The following SAAL1 variants were observed in gnomAD, a reference collection of about 807,000 sequenced individuals.
SAAL1 encodes serum amyloid A like 1, also known as protein SAAL1.
SAAL1 carries 42 observed loss-of-function variants against 59.8 expected under a neutral mutation model. The observed-to-expected ratio is 0.70, with a 90% CI of 0.55 to 0.91. The LOEUF (loss-of-function observed/expected upper bound fraction) is 0.91, where lower values mean the gene tolerates loss of function less well. Among genes scored for constraint, SAAL1 ranks in the 40% least tolerant of loss-of-function variants. The pLI is 0.00. For missense variants in SAAL1, 542 were observed against 561.1 expected (o/e 0.97, Z 0.34); for synonymous variants, 191 against 194.3 (o/e 0.98, Z 0.14).
chr11:18,090,574 T>A, intron 4 of SAAL1, 81 bp from the exon 5 acceptor site: 1 of 1,478,852 alleles, frequency 6.8e-7, no homozygotes, highest in Non-Finnish European at 9.1e-7. Context: ...TTTTTGAACA[T>A]CTTTATTGTG....
chr11:18,094,332 C>A (rs1343188179), intron 3 of SAAL1, among the ~76,000 whole-genome samples: 1 of 152,168 alleles, frequency 6.6e-6, no homozygotes, highest in African/African-American at 2.4e-5. Context: ...AAAACCTGCA[C>A]AATATGCAGA....
chr11:18,092,238 G>C lies in SAAL1; in HGVS notation c.413+7C>G. The C allele has an allele frequency of 6.8e-7, 1 of 1,475,854 alleles. No individual in the cohort carries two copies. 91.4% of individuals were successfully genotyped at this position (1,475,854 alleles called of 1,614,324 possible). A position where few individuals can be genotyped will look rare whatever the true frequency, so the allele number is the denominator to read the frequency against. ...ATTAAAAAACATAATTATATAGTAA[G>C]ACTTACCCAAGATTTTTATCACTGC... On this transcript the variant is annotated splice_region_variant and intron_variant, in intron 4 of 11. Coordinates refer to ENST00000524803, the MANE Select transcript of SAAL1 (RefSeq NM_138421.3).
intron 1 of SAAL1, among the ~76,000 whole-genome samples, chr11:18,105,037 C>T (rs190212741): frequency 7.9e-5 from 12 of 152,098 alleles, no homozygotes; most frequent in Admixed American, 2.0e-4. Flanking sequence ...CACTCTGTTG[C>T]CATTATAATC....
At chr11:18,092,171 T>G (rs1848529571) in intron 4 of SAAL1, 74 bp downstream of exon 4, 2 of 761,260 alleles carry the variant, frequency 2.6e-6, no homozygotes, top group South Asian at 1.8e-5. Flanking sequence ...ATTTGCTACT[T>G]TTCCTATGTA....
At chr11:18,087,379 A>C (rs1459475272) in intron 7 of SAAL1, among the ~76,000 whole-genome samples, 154 bp from the exon 8 acceptor site, 1 of 152,252 alleles carries the variant, frequency 6.6e-6, no homozygotes, top group African/African-American at 2.4e-5. Flanking sequence ...TGTGTTCGTT[A>C]GAGCTTTTAT....
In SAAL1 at chr11:18,098,217, CTA is replaced by C. The variant is rs1232895013; in HGVS notation, c.250-1365_250-1364del. Among the ~76,000 whole-genome samples the C allele has an allele frequency of 1.7e-3, 261 of 152,344 alleles. 3 individuals carry two copies. Among genetic ancestry groups the C allele is most frequent in the Non-Finnish European group, 1.7e-3 (114 of 68,040 alleles). ...GGTAGGGGAAAGAAGTCAAGAACTG[CTA>C]TTGGGTCCTGTCCAAAACCAGAATT... On this transcript the variant is annotated intron_variant, in intron 2 of 11. Transcript: ENST00000524803.
In SAAL1 at chr11:18,092,180, T is replaced by C. The variant is rs1848529714; in HGVS notation, c.413+65A>G. ...TTTCAGATTTGCTACTTTTCCTATG[T>C]ATTAGAATTTCCTTAAGGATATAAA... On this transcript the variant is annotated intron_variant, in intron 4 of 11. Coordinates refer to ENST00000524803, the MANE Select transcript of SAAL1 (RefSeq NM_138421.3). The C allele has an allele frequency of 3.7e-6, 3 of 803,852 alleles. No individual in the cohort carries two copies. In the African/African-American group the frequency reaches 5.3e-5, roughly 14 times the overall value. The allele number at this position is 803,852 out of a possible 1,614,324, so 49.8% of individuals were successfully genotyped here. A position where few individuals can be genotyped will look rare whatever the true frequency, so the allele number is the denominator to read the frequency against.
chr11:18,092,313 C>G lies in SAAL1; in HGVS notation c.345G>C (p.Val115=). 6.2e-7 allele frequency: 1 copy of G among 1,600,428 alleles called. No individual in the cohort carries two copies. The highest frequency in any genetic ancestry group is 8.6e-7 in the Non-Finnish European group (1 of 1,167,694). Residue 115 remains valine, a synonymous_variant, in exon 4 of 12, where the codon GTG becomes GTC. Transcript: ENST00000524803. ...AACAGGCCATATTACCTAAAATTCCCACACAGATTTCCTGCCAAATCAAAT... is the reference window on the plus strand; with the variant it reads ...AACAGGCCATATTACCTAAAATTCCGACACAGATTTCCTGCCAAATCAAAT... ...SKCPRLREIC[V]GILGNMACFQ...
intron 4 of SAAL1, among the ~76,000 whole-genome samples, chr11:18,091,755 G>A (rs566520051): frequency 6.6e-6 from 1 of 152,180 alleles, no homozygotes; most frequent in East Asian, 1.9e-4. Flanking sequence ...TTTACACATG[G>A]AGAAGAGAAC....
intron 3 of SAAL1, 72 bp from the exon 4 acceptor site, chr11:18,092,396 A>G: frequency 9.6e-7 from 1 of 1,037,856 alleles, no homozygotes; most frequent in Non-Finnish European, 1.5e-6. Flanking sequence ...CAACTTGAAC[A>G]AAAACTTTCG....
chr11:18,093,817 C>T (rs1016081649), intron 3 of SAAL1: 2 of 152,092 alleles, frequency 1.3e-5, no homozygotes, highest in Admixed American at 1.3e-4. Context: ...GGCCCTCAGG[C>T]ATGGAAAAGG....
At chr11:18,091,846 C>CT (rs1333734367) in intron 4 of SAAL1, among the ~76,000 whole-genome samples, 1 of 152,182 alleles carries the variant, frequency 6.6e-6, no homozygotes, top group Non-Finnish European at 1.5e-5. Context: ...GTCTTACACT[C>CT]TAAGTCAGAG....
At position 18,089,368 on chromosome 11, in the gene SAAL1, C is replaced by T; in HGVS notation, c.732G>A (p.Arg244=). The T allele has an allele frequency of 6.3e-7, 1 of 1,593,504 alleles. No homozygotes were observed. The highest frequency in any genetic ancestry group is 8.5e-7 in the Non-Finnish European group (1 of 1,173,744). The change falls in exon 7 of 12, where the codon CGG becomes CGA. Residue 244 remains arginine, a synonymous_variant. Transcript: ENST00000524803. ...CAGCTTCAAGTATACAGGGCACAAG[C>T]CGAAACACTGGCTGCTCTTCAGACT... ...QEESEEQPVF[R]LVPCILEAAK... is the part of the protein sequence containing the mutation.
chr11:18,093,082 A>G (rs985806750), intron 3 of SAAL1, among the ~76,000 whole-genome samples: 3 of 152,176 alleles, frequency 2.0e-5, no homozygotes, highest in Admixed American at 6.5e-5. Context: ...CTTTTGTTCA[A>G]CATATCCACA....
rs1848495819 is a variant in SAAL1, at chr11:18,089,108, C to G, written c.770+222G>C. Among the ~76,000 whole-genome samples, 4 of 152,216 alleles carry G rather than the reference C, an allele frequency of 2.6e-5. No homozygotes were observed. The South Asian group carries it at 8.3e-4, about 32-fold the overall frequency. On this transcript the variant is annotated intron_variant, in intron 7 of 11. Transcript: ENST00000524803. ...ACATAAAATATGGTAAGACAGAAAC[C>G]ACAGTTAATGTTGAGTAACAGCCTA... is the stretch of plus-strand genomic sequence containing the variant.
intron 9 of SAAL1, 88 bp downstream of exon 9, chr11:18,086,777 GT>G (rs1168441856): frequency 2.6e-6 from 2 of 760,354 alleles, no homozygotes; most frequent in Non-Finnish European, 3.9e-6. Flanking sequence ...AGCATGTAAT[GT>G]TTTTATAATT....
chr11:18,088,830 A>G (rs950888510), intron 7 of SAAL1, among the ~76,000 whole-genome samples: 6 of 152,210 alleles, frequency 3.9e-5, no homozygotes, highest in Non-Finnish European at 5.9e-5. Flanking sequence ...CTAAGAATGC[A>G]CTAAGAAAAA....
chr11:18,094,458 T>C (rs1199605257), intron 3 of SAAL1, among the ~76,000 whole-genome samples: 3 of 152,060 alleles, frequency 2.0e-5, no homozygotes, highest in African/African-American at 7.3e-5. Flanking sequence ...GGGACAACTG[T>C]AGAGCGTGCA....
intron 10 of SAAL1, 102 bp downstream of exon 10, chr11:18,083,433 C>A: frequency 1.6e-6 from 1 of 640,810 alleles, no homozygotes; most frequent in South Asian, 3.0e-5. Context: ...TTTATTTTCC[C>A]AAATTATATA....
Sources: gnomAD v4.1 joint callset for allele counts (sites outside exome capture counted in the v4.1 genomes callset) on GRCh38, gnomAD v4.1.1 for gene constraint, MANE v1.5 for transcripts, NCBI Gene and HGNC (gene_info 2026-07-23, HGNC 2026-07-21) for gene names.